The following CTNND2 variants were observed in gnomAD, a reference collection of about 807,000 sequenced individuals.
CTNND2 encodes catenin delta 2.
Under a neutral mutation model 144.4 loss-of-function variants are expected in CTNND2, and 22 were observed. The observed-to-expected ratio is 0.15, with a 90% CI of 0.11 to 0.22. The LOEUF (loss-of-function observed/expected upper bound fraction) is 0.22. Among genes scored for constraint, CTNND2 ranks in the 10% least tolerant of loss-of-function variants. The probability of loss-of-function intolerance (pLI) is 1.00; values close to 1 mark genes in which losing one functional copy is unlikely to be tolerated. For missense variants in CTNND2, 1,353 were observed against 1,618.8 expected, an observed-to-expected ratio of 0.84 and a Z score of 2.82; for synonymous variants, 751 against 695.6, an observed-to-expected ratio of 1.08 and a Z score of -1.25.
At chr5:11,166,599 A>T (rs550075241) in intron 11 of CTNND2, among the ~76,000 whole-genome samples, 1 of 150,692 alleles carries the variant, frequency 6.6e-6, no homozygotes, top group Non-Finnish European at 1.5e-5. Flanking sequence ...TGATGGTGGG[A>T]GTGGGAGGGG....
rs569791820 is a variant in CTNND2 at position 11,258,276 on chromosome 5, G to T, written c.1629-21453C>A. Among the ~76,000 whole-genome samples the T allele has an allele frequency of 3.3e-5, 5 of 152,324 alleles. No individual in the cohort carries two copies. The South Asian group carries it at 8.3e-4, about 25-fold the overall frequency. On this transcript the variant is annotated intron_variant, in intron 9 of 21. Transcript: ENST00000304623. ...ACATATGGCCCAAAGAGGGAATGGA[G>T]AGCTGACCAGGCCCAAAGCATTTGG...
chr5:11,738,354 G>C (rs2126757623), intron 1 of CTNND2, among the ~76,000 whole-genome samples: 1 of 152,304 alleles, frequency 6.6e-6, no homozygotes, highest in African/African-American at 2.4e-5. Context: ...GTTAGGCCCT[G>C]CATGCCGAGC....
chr5:11,081,072 TCACACACACA>T lies in CTNND2; in HGVS notation c.2788+1614_2788+1623del, dbSNP rs55951127. The stretch of plus-strand genomic sequence containing the variant: ...AGCCTGAGCAACACATGAGACCCTG[TCACACACACA>T]CACACACACACACACACACACACAC... On this transcript the variant is annotated intron_variant, in intron 16 of 21. Transcript: ENST00000304623. Among the ~76,000 whole-genome samples the T allele has an allele frequency of 5.0e-3, 723 of 145,068 alleles. 4 individuals are homozygous for T. The highest frequency in any genetic ancestry group is 0.014 in the African/African-American group (564 of 39,580).
intron 5 of CTNND2, among the ~76,000 whole-genome samples, chr5:11,400,697 G>A (rs1047413820): frequency 2.6e-5 from 4 of 152,164 alleles, no homozygotes; most frequent in African/African-American, 9.7e-5. Context: ...GATCTTGAGT[G>A]TAACACCAAT....
intron 3 of CTNND2, among the ~76,000 whole-genome samples, chr5:11,445,587 T>C (rs368216305): frequency 2.0e-5 from 3 of 152,306 alleles, no homozygotes; most frequent in East Asian, 3.9e-4. Context: ...TCCTCACCCA[T>C]GCCTGGGATT....
chr5:11,131,049 C>T (rs887094477), intron 12 of CTNND2, among the ~76,000 whole-genome samples: 7 of 151,948 alleles, frequency 4.6e-5, no homozygotes, highest in African/African-American at 1.2e-4. Context: ...ACAAACACAG[C>T]GAAAAGAAAA....
rs1043119982 is a variant in CTNND2 at position 11,350,592 on chromosome 5, T to C, written c.1373-3965A>G. Among the ~76,000 whole-genome samples the C allele has an allele frequency of 4.6e-5, 7 of 152,252 alleles. No homozygotes were observed. The South Asian group carries it at 6.2e-4, about 14-fold the overall frequency. On this transcript the variant is annotated intron_variant, in intron 8 of 21. Transcript: ENST00000304623. ...CATGCTTTAAACTTCTTTTAGGTCA[T>C]AATAAATAAAACAGCTGATGAAAAT...
intron 18 of CTNND2, among the ~76,000 whole-genome samples, chr5:11,013,395 G>A (rs1455552389): frequency 6.6e-6 from 1 of 151,638 alleles, no homozygotes; most frequent in Non-Finnish European, 1.5e-5. Context: ...CTTTTCTCTT[G>A]TTACTATAAT....
intron 9 of CTNND2, among the ~76,000 whole-genome samples, chr5:11,255,406 T>C (rs901335597): frequency 6.6e-6 from 1 of 152,220 alleles, no homozygotes; most frequent in Non-Finnish European, 1.5e-5. Flanking sequence ...GACAGGCAAG[T>C]GTGTGACACA....
intron 1 of CTNND2, among the ~76,000 whole-genome samples, chr5:11,746,990 AT>A (rs1222858201): frequency 6.6e-6 from 1 of 152,208 alleles, no homozygotes; most frequent in African/African-American, 2.4e-5. Flanking sequence ...TTGATACATG[AT>A]ATTAAAGTAG....
At chr5:11,422,992 A>G (rs1040867141) in intron 3 of CTNND2, among the ~76,000 whole-genome samples, 1 of 152,236 alleles carries the variant, frequency 6.6e-6, no homozygotes, top group African/African-American at 2.4e-5. Context: ...TGCTCATAAC[A>G]GTACATGAGA....
At chr5:11,166,959 T>C (rs1759400296) in intron 11 of CTNND2, among the ~76,000 whole-genome samples, 1 of 152,224 alleles carries the variant, frequency 6.6e-6, no homozygotes, top group African/African-American at 2.4e-5. Context: ...AATGTTGCTG[T>C]AATAACAGCT....
intron 2 of CTNND2, among the ~76,000 whole-genome samples, chr5:11,724,323 G>C (rs1272201582): frequency 6.6e-6 from 1 of 152,048 alleles, no homozygotes; most frequent in East Asian, 1.9e-4. Context: ...ATGAGGTGTT[G>C]TTTTCAATAT....
intron 2 of CTNND2, among the ~76,000 whole-genome samples, chr5:11,607,756 A>G (rs896390498): frequency 1.3e-5 from 2 of 152,202 alleles, no homozygotes; most frequent in African/African-American, 2.4e-5. Flanking sequence ...AACATCCCCA[A>G]TGAAAGAAAC....
At chr5:11,627,904 C>A (rs1781236835) in intron 2 of CTNND2, among the ~76,000 whole-genome samples, 2 of 151,194 alleles carry the variant, frequency 1.3e-5, no homozygotes, top group Non-Finnish European at 2.9e-5. Context: ...CAACCTAGAT[C>A]CCTCACATGT....
At chr5:11,247,086 T>C (rs935893744) in intron 9 of CTNND2, among the ~76,000 whole-genome samples, 14 of 152,178 alleles carry the variant, frequency 9.2e-5, no homozygotes, top group Admixed American at 5.2e-4. Flanking sequence ...TCTCATAAAC[T>C]GCAGGCCTAA....
chr5:11,312,304 T>C (rs924441510), intron 9 of CTNND2, among the ~76,000 whole-genome samples: 25 of 150,754 alleles, frequency 1.7e-4, no homozygotes, highest in Admixed American at 6.6e-4. Context: ...CCTGTATTAG[T>C]CTGTTTTCAT....
At chr5:11,557,997 A>G (rs949892239) in intron 3 of CTNND2, among the ~76,000 whole-genome samples, 9 of 152,234 alleles carry the variant, frequency 5.9e-5, no homozygotes, top group African/African-American at 2.2e-4. Context: ...AAAAATATTA[A>G]GAGGTGATTT....
intron 1 of CTNND2, among the ~76,000 whole-genome samples, chr5:11,752,513 A>G (rs1305752168): frequency 6.8e-6 from 1 of 146,852 alleles, no homozygotes; most frequent in African/African-American, 2.5e-5. Context: ...TGGGCTCTCT[A>G]TTCTGTTCCA....
Sources: allele counts gnomAD v4.1 joint callset (sites outside exome capture counted in the v4.1 genomes callset), GRCh38; gene constraint gnomAD v4.1.1; transcripts MANE v1.5; gene names NCBI Gene and HGNC (gene_info 2026-07-23, HGNC 2026-07-21).